Variants in MEGF11 observed in about 807,000 individuals in gnomAD.
The protein encoded by MEGF11 is multiple epidermal growth factor-like domains protein 11.
In MEGF11, 126 loss-of-function variants were observed where a neutral mutation model predicts 146.6. The observed-to-expected ratio is 0.86, with a 90% CI of 0.74 to 1.00. The LOEUF is 1.00. MEGF11 is among the 50% of genes least tolerant of loss of function. The pLI, the probability that MEGF11 is intolerant of heterozygous loss-of-function variation, is 0.00. For synonymous variants in MEGF11, 532 were observed against 583.4 expected (o/e 0.91, Z 1.27); for missense variants, 1,509 against 1,521.2 (o/e 0.99, Z 0.13).
chr15:66,066,246 G>A (rs188813038), intron 5 of MEGF11, among the ~76,000 whole-genome samples: 10 of 152,200 alleles, frequency 6.6e-5, no homozygotes, highest in Admixed American at 2.0e-4. Flanking sequence ...AGAGGAGGCC[G>A]AGAGACGCCA....
intron 1 of MEGF11, among the ~76,000 whole-genome samples, chr15:66,173,607 C>CA (rs1342134484): frequency 1.3e-5 from 2 of 152,214 alleles, no homozygotes; most frequent in African/African-American, 4.8e-5. Context: ...TGAACCACCA[C>CA]ACCCAGCCAA....
At chr15:65,946,743 G>A (rs2080209138) in intron 10 of MEGF11, among the ~76,000 whole-genome samples, 1 of 152,176 alleles carries the variant, frequency 6.6e-6, no homozygotes, top group Non-Finnish European at 1.5e-5. Context: ...CACAGAGAAT[G>A]GAGGTCAAAT....
At chr15:66,221,473 A>G (rs1947655401) in intron 1 of MEGF11, among the ~76,000 whole-genome samples, 1 of 151,656 alleles carries the variant, frequency 6.6e-6, no homozygotes, top group Non-Finnish European at 1.5e-5. Flanking sequence ...TAATTTCACA[A>G]CTGTCAGAGG....
At chr15:66,241,124 A>G (rs1017020442) in intron 1 of MEGF11, among the ~76,000 whole-genome samples, 1 of 152,154 alleles carries the variant, frequency 6.6e-6, no homozygotes, top group African/African-American at 2.4e-5. Context: ...ATCTGGGCCG[A>G]ATCAACTACC....
chr15:66,078,012 T>G (rs2085665968), intron 5 of MEGF11, among the ~76,000 whole-genome samples: 1 of 151,946 alleles, frequency 6.6e-6, no homozygotes, highest in African/African-American at 2.4e-5. Flanking sequence ...GGCGTTTCAG[T>G]AGCCTCCCCA....
intron 15 of MEGF11, among the ~76,000 whole-genome samples, chr15:65,919,665 A>G (rs1176576750): frequency 2.6e-5 from 4 of 152,174 alleles, no homozygotes; most frequent in East Asian, 3.9e-4. Context: ...GAGTCTCGCT[A>G]CGTTGCCCAG....
chr15:65,970,823 TCCAA>T, intron 7 of MEGF11, 134 bp from the exon 8 acceptor site: 2 of 959,566 alleles, frequency 2.1e-6, no homozygotes, highest in Non-Finnish European at 3.1e-6. Context: ...ACACCAGGGC[TCCAA>T]AGCCCTCCTC....
At chr15:66,053,714 AATTTTTTTTTTTTT>A (rs1208493953) in intron 5 of MEGF11, among the ~76,000 whole-genome samples, 3 of 42,268 alleles carry the variant, frequency 7.1e-5, no homozygotes, top group Admixed American at 4.3e-4. Flanking sequence ...CCCTGGCACC[AATTTTTTTTTTTTT>A]TTTTTTTTTT....
At chr15:66,131,450 A>T (rs1474534873) in intron 1 of MEGF11, among the ~76,000 whole-genome samples, 1 of 152,226 alleles carries the variant, frequency 6.6e-6, no homozygotes, top group Non-Finnish European at 1.5e-5. Context: ...AGTGGGTGGG[A>T]CTTGGACTGG....
intron 1 of MEGF11, among the ~76,000 whole-genome samples, chr15:66,160,905 T>G (rs895755820): frequency 6.6e-6 from 1 of 152,126 alleles, no homozygotes; most frequent in African/African-American, 2.4e-5. Context: ...TGGAGGACCT[T>G]GCTGAGAAGC....
At chr15:65,930,734 C>T in intron 11 of MEGF11, 89 bp downstream of exon 11, 1 of 1,445,334 alleles carries the variant, frequency 6.9e-7, no homozygotes, top group Non-Finnish European at 9.2e-7. Flanking sequence ...GGGGTTGGGG[C>T]AGCCCCACCT....
intron 21 of MEGF11, among the ~76,000 whole-genome samples, chr15:65,911,745 CAT>C (rs577338687): frequency 6.6e-6 from 1 of 152,166 alleles, no homozygotes; most frequent in African/African-American, 2.4e-5. Context: ...TACGTGTTGA[CAT>C]GTGGCAAAAG....
intron 4 of MEGF11, among the ~76,000 whole-genome samples, chr15:66,098,320 C>A (rs945984486): frequency 2.9e-4 from 44 of 152,168 alleles, no homozygotes; most frequent in Non-Finnish European, 8.8e-5. Context: ...CATCTGCTGT[C>A]CCCAGCTCAT....
intron 1 of MEGF11, among the ~76,000 whole-genome samples, chr15:66,130,856 T>A (rs2088619140): frequency 6.6e-6 from 1 of 152,108 alleles, no homozygotes; most frequent in South Asian, 2.1e-4. Flanking sequence ...ATGGGACTTT[T>A]CCAGGATCTC....
At chr15:66,225,646 C>T (rs968075132) in intron 1 of MEGF11, among the ~76,000 whole-genome samples, 1 of 152,168 alleles carries the variant, frequency 6.6e-6, no homozygotes, top group Non-Finnish European at 1.5e-5. Flanking sequence ...CACTTGAGCA[C>T]ACACATGCAC....
intron 1 of MEGF11, among the ~76,000 whole-genome samples, chr15:66,193,646 C>T (rs372743802): frequency 3.3e-5 from 5 of 151,946 alleles, no homozygotes; most frequent in Non-Finnish European, 4.4e-5. Context: ...ACTTTGTATA[C>T]GTGGGTTCTG....
chr15:66,193,340 C>A (rs1159156550), intron 1 of MEGF11, among the ~76,000 whole-genome samples: 1 of 152,178 alleles, frequency 6.6e-6, no homozygotes, highest in Non-Finnish European at 1.5e-5. Context: ...CGACTTCATT[C>A]ATTGATTCAT....
intron 10 of MEGF11, among the ~76,000 whole-genome samples, chr15:65,945,084 TG>T (rs947069110): frequency 6.6e-6 from 1 of 152,044 alleles, no homozygotes; most frequent in African/African-American, 2.4e-5. Context: ...TTAGTAGAGG[TG>T]GGGTTTCACC....
chr15:66,071,624 C>T (rs1487701300), intron 5 of MEGF11, among the ~76,000 whole-genome samples: 1 of 152,204 alleles, frequency 6.6e-6, no homozygotes, highest in Non-Finnish European at 1.5e-5. Flanking sequence ...TGATCTGTAC[C>T]ATCCAGGGCT....
Sources: gnomAD v4.1 joint callset for allele counts (sites outside exome capture counted in the v4.1 genomes callset) on GRCh38, gnomAD v4.1.1 for gene constraint, MANE v1.5 for transcripts, NCBI Gene and HGNC (gene_info 2026-07-23, HGNC 2026-07-21) for gene names.